The following LMNTD1 variants were observed in gnomAD, a reference collection of about 807,000 sequenced individuals.
The protein encoded by LMNTD1 is lamin tail domain-containing protein 1.
Under a neutral mutation model 50.9 loss-of-function variants are expected in LMNTD1, and 35 were observed. The observed-to-expected ratio is 0.69, with a 90% CI of 0.53 to 0.91. The LOEUF is 0.91. Among genes scored for constraint, LMNTD1 ranks in the 40% least tolerant of loss-of-function variants. The probability of loss-of-function intolerance (pLI) is 0.00; values close to 1 mark genes in which losing one functional copy is unlikely to be tolerated. For missense variants in LMNTD1, 470 were observed against 475.5 expected, an observed-to-expected ratio of 0.99 and a Z score of 0.11; for synonymous variants, 153 against 161.9, an observed-to-expected ratio of 0.94 and a Z score of 0.42.
At chr12:25,569,550 C>A (rs984880451) in intron 1 of LMNTD1, among the ~76,000 whole-genome samples, 1 of 152,040 alleles carries the variant, frequency 6.6e-6, no homozygotes, top group African/African-American at 2.4e-5. Context: ...AGTTCAGGGG[C>A]AGAATGATAT....
chr12:25,573,395 C>T (rs192262953), intron 1 of LMNTD1, among the ~76,000 whole-genome samples: 6 of 152,260 alleles, frequency 3.9e-5, no homozygotes, highest in Admixed American at 3.9e-4. Flanking sequence ...AATGAGAATT[C>T]AGGCTGGCAG....
chr12:25,628,297 T>C (rs1474851919), intron 1 of LMNTD1, among the ~76,000 whole-genome samples: 1 of 145,752 alleles, frequency 6.9e-6, no homozygotes, highest in African/African-American at 2.7e-5. Flanking sequence ...TCATAAATAA[T>C]ATGGATTTTA....
chr12:25,639,448 C>T (rs1446289663), intron 1 of LMNTD1, among the ~76,000 whole-genome samples: 1 of 152,080 alleles, frequency 6.6e-6, no homozygotes, highest in Admixed American at 6.6e-5. Context: ...ATAAAGAACC[C>T]TTCCAACTCA....
chr12:25,526,633 C>A (rs1941734369), intron 5 of LMNTD1, 136 bp downstream of exon 5: 1 of 523,290 alleles, frequency 1.9e-6, no homozygotes, highest in Admixed American at 3.6e-5. Context: ...GGTAATTAAC[C>A]ACCAACAACA....
chr12:25,560,320 T>C (rs1427826774), intron 1 of LMNTD1, among the ~76,000 whole-genome samples: 2 of 152,318 alleles, frequency 1.3e-5, no homozygotes, highest in East Asian at 3.9e-4. Flanking sequence ...CATTGCTTGT[T>C]TGTGTCAGGT....
At chr12:25,550,690 C>T (rs1033942607) in intron 2 of LMNTD1, among the ~76,000 whole-genome samples, 3 of 152,174 alleles carry the variant, frequency 2.0e-5, no homozygotes, top group African/African-American at 7.2e-5. Flanking sequence ...ACTCTGCCAT[C>T]TTGCTGCTGT....
rs976902984 is a variant in LMNTD1 at position 25,599,487 on chromosome 12, A to G, written c.58+49007T>C. 5.9e-5 allele frequency among the ~76,000 whole-genome samples: 9 copies of G among 152,074 alleles called. 1 individual carries two copies. The highest frequency in any genetic ancestry group is 1.3e-4 in the Non-Finnish European group (9 of 67,970). On this transcript the variant is annotated intron_variant, in intron 1 of 7. Transcript: ENST00000445693. ...AAGAGAAAGAAATGAAGGGTATCCA[A>G]ATTTGAAAGGAAGAAGTCAAATTAT...
At chr12:25,515,051 T>A (rs972587261) in intron 8 of LMNTD1, among the ~76,000 whole-genome samples, 5 of 152,082 alleles carry the variant, frequency 3.3e-5, no homozygotes, top group African/African-American at 9.7e-5. Context: ...TAAGTACATG[T>A]AGGAATTTTA....
At chr12:25,476,761 A>C (rs1938278744) in intron 9 of LMNTD1, among the ~76,000 whole-genome samples, 1 of 152,164 alleles carries the variant, frequency 6.6e-6, no homozygotes, top group Admixed American at 6.5e-5. Flanking sequence ...GGATATTTAA[A>C]CCATGTTGGA....
chr12:25,642,397 C>A (rs1000223845), intron 1 of LMNTD1, among the ~76,000 whole-genome samples: 1 of 152,122 alleles, frequency 6.6e-6, no homozygotes, highest in Non-Finnish European at 1.5e-5. Flanking sequence ...GTGTGAGGAT[C>A]TCATGAGAAG....
At chr12:25,516,711 G>T (rs1045757953) in intron 8 of LMNTD1, among the ~76,000 whole-genome samples, 1 of 151,950 alleles carries the variant, frequency 6.6e-6, no homozygotes, top group African/African-American at 2.4e-5. Flanking sequence ...TTATGAAAAA[G>T]AAATATAAAC....
chr12:25,481,790 G>A (rs1938452742), intron 9 of LMNTD1, among the ~76,000 whole-genome samples: 1 of 149,986 alleles, frequency 6.7e-6, no homozygotes, highest in Non-Finnish European at 1.5e-5. Context: ...CGAGCACTCA[G>A]GTTCTTTCAA....
intron 1 of LMNTD1, among the ~76,000 whole-genome samples, chr12:25,603,720 T>A (rs1385226716): frequency 6.6e-6 from 1 of 151,994 alleles, no homozygotes; most frequent in Non-Finnish European, 1.5e-5. Context: ...TATACACAAA[T>A]AGCATAGGGC....
intron 4 of LMNTD1, among the ~76,000 whole-genome samples, chr12:25,545,754 G>A (rs1943390849): frequency 6.6e-6 from 1 of 151,552 alleles, no homozygotes; most frequent in South Asian, 2.1e-4. Flanking sequence ...ATGGCATAAA[G>A]GGAGAGAAAA....
intron 9 of LMNTD1, among the ~76,000 whole-genome samples, chr12:25,480,903 A>G (rs1477833209): frequency 1.3e-5 from 2 of 152,202 alleles, no homozygotes; most frequent in Admixed American, 6.5e-5. Context: ...TGCTGTCCAA[A>G]TAACTGAGGC....
chr12:25,607,196 T>C (rs957209016), intron 1 of LMNTD1, among the ~76,000 whole-genome samples: 3 of 152,238 alleles, frequency 2.0e-5, no homozygotes, highest in Admixed American at 1.3e-4. Context: ...TATCGTTTTT[T>C]ATTGCATCTG....
chr12:25,526,776 G>T lies in LMNTD1; in HGVS notation c.671C>A (p.Thr224Lys). The T allele has an allele frequency of 6.2e-7, 1 of 1,603,832 alleles. No individual in the cohort carries two copies. The change falls in exon 5 of 10, where the codon ACA becomes AAA. Residue 224 changes from threonine (T) to lysine (K), a missense_variant. By Grantham distance (78) the Thr-to-Lys change is moderately conservative (BLOSUM62 -1). Coordinates refer to ENST00000458174, the MANE Select transcript of LMNTD1 (RefSeq NM_001145728.2). ...TTATACTCTTATACTCACTGTTACT[G>T]TGGAATTTGCCTGCATTACGATGTT... The part of the protein sequence containing the change: ...LPNIVMQANS[T>K]VTVWAAASEA...
chr12:25,618,417 A>G (rs1946392885), intron 1 of LMNTD1, among the ~76,000 whole-genome samples: 1 of 152,252 alleles, frequency 6.6e-6, no homozygotes, highest in Admixed American at 6.5e-5. Context: ...AGGGACAGAT[A>G]GAAGAATTTG....
intron 9 of LMNTD1, among the ~76,000 whole-genome samples, chr12:25,476,817 C>T (rs1034519437): frequency 6.6e-6 from 1 of 152,038 alleles, no homozygotes; most frequent in Non-Finnish European, 1.5e-5. Flanking sequence ...CTGAAAGCAG[C>T]CCTGGATAAC....
Sources: allele counts gnomAD v4.1 joint callset (sites outside exome capture counted in the v4.1 genomes callset), GRCh38; gene constraint gnomAD v4.1.1; transcripts MANE v1.5; gene names NCBI Gene and HGNC (gene_info 2026-07-23, HGNC 2026-07-21).